The following GABRA2 variants were observed in gnomAD, a reference collection of about 807,000 sequenced individuals.
GABRA2 encodes gamma-aminobutyric acid receptor subunit alpha-2.
GABRA2 carries 16 observed loss-of-function variants against 48.7 expected under a neutral mutation model. The ratio of observed to expected loss-of-function variants is 0.33; its 90% confidence interval spans 0.22 to 0.50. The LOEUF is 0.50. Among genes scored for constraint, GABRA2 ranks in the 20% least tolerant of loss-of-function variants. The pLI is 0.98. For missense variants in GABRA2, 275 were observed against 535.6 expected, an observed-to-expected ratio of 0.51 and a Z score of 4.80; for synonymous variants, 185 against 184.5, an observed-to-expected ratio of 1.00 and a Z score of -0.02.
At chr4:46,268,858 C>CA (rs1018860656) in intron 8 of GABRA2, among the ~76,000 whole-genome samples, 3 of 151,466 alleles carry the variant, frequency 2.0e-5, no homozygotes, top group African/African-American at 4.8e-5. Context: ...TATTAGTCCT[C>CA]AAAAAAAGAA....
intron 4 of GABRA2, among the ~76,000 whole-genome samples, chr4:46,330,057 G>T (rs1040214304): frequency 6.6e-6 from 1 of 151,968 alleles, no homozygotes; most frequent in African/African-American, 2.4e-5. Context: ...TCACTCACAC[G>T]CATGTATTCT....
At chr4:46,280,044 GTTTT>G (rs756130098) in intron 8 of GABRA2, among the ~76,000 whole-genome samples, 72 of 148,980 alleles carry the variant, frequency 4.8e-4, no homozygotes, top group African/African-American at 1.0e-3. Flanking sequence ...AGGCTTACAA[GTTTT>G]TTTTTAAAAA....
chr4:46,277,688 C>T (rs537422107), intron 8 of GABRA2, among the ~76,000 whole-genome samples: 11 of 152,208 alleles, frequency 7.2e-5, no homozygotes, highest in Admixed American at 2.0e-4. Flanking sequence ...TCTGCATGAC[C>T]TTATCCATGG....
At chr4:46,265,426 GTATA>G (rs34669556) in intron 8 of GABRA2, among the ~76,000 whole-genome samples, 2 of 122,714 alleles carry the variant, frequency 1.6e-5, no homozygotes, top group African/African-American at 4.0e-5. Flanking sequence ...AATATATTGT[GTATA>G]TATATATAAT....
At position 46,378,479 on chromosome 4, in the gene GABRA2, T is replaced by C. The variant is rs542467957; in HGVS notation, c.187+7595A>G. Among the ~76,000 whole-genome samples the C allele has an allele frequency of 8.4e-3, 1,277 of 151,890 alleles. 16 individuals carry two copies. Among genetic ancestry groups the C allele is most frequent in the African/African-American group, 0.029 (1,186 of 41,394 alleles). ...AAGGCAGCATGCTCGTTAAGAGTCATCACCACTCCCTAATCTCAAGTACCC... is the reference window on the plus strand; with the variant it reads ...AAGGCAGCATGCTCGTTAAGAGTCACCACCACTCCCTAATCTCAAGTACCC... On this transcript the variant is annotated intron_variant, in intron 3 of 9. Coordinates refer to ENST00000381620, the MANE Select transcript of GABRA2 (RefSeq NM_000807.4).
intron 8 of GABRA2, among the ~76,000 whole-genome samples, chr4:46,292,032 G>A (rs940522334): frequency 1.3e-5 from 2 of 151,990 alleles, no homozygotes; most frequent in African/African-American, 4.8e-5. Flanking sequence ...GGCATGAACT[G>A]TTTAGAGAGT....
At chr4:46,374,382 T>A (rs1348997711) in intron 3 of GABRA2, among the ~76,000 whole-genome samples, 3 of 152,170 alleles carry the variant, frequency 2.0e-5, no homozygotes, top group East Asian at 1.9e-4. Context: ...TCTAAAAGCA[T>A]CTGATCCCTT....
At chr4:46,259,957 G>T (rs954485563) in intron 9 of GABRA2, among the ~76,000 whole-genome samples, 4 of 151,724 alleles carry the variant, frequency 2.6e-5, no homozygotes, top group African/African-American at 9.7e-5. Context: ...CTGAAGGTAG[G>T]TTTATGAAAC....
chr4:46,326,498 CTTTT>C (rs397938834), intron 4 of GABRA2, among the ~76,000 whole-genome samples: 4 of 137,016 alleles, frequency 2.9e-5, no homozygotes, highest in Admixed American at 7.4e-5. Context: ...TGGTCTCTGC[CTTTT>C]TTTTTTTTTT....
intron 3 of GABRA2, among the ~76,000 whole-genome samples, chr4:46,345,022 C>A (rs576198945): frequency 6.6e-6 from 1 of 151,906 alleles, no homozygotes; most frequent in African/African-American, 2.4e-5. Flanking sequence ...AGGGTGGGAC[C>A]TAGTGGGAGG....
chr4:46,345,541 A>T (rs1370634771), intron 3 of GABRA2, among the ~76,000 whole-genome samples: 1 of 151,864 alleles, frequency 6.6e-6, no homozygotes, highest in Non-Finnish European at 1.5e-5. Context: ...TTCTCTCCCC[A>T]TAAGTAGAGA....
chr4:46,309,435 C>G (rs1235405862), intron 6 of GABRA2, among the ~76,000 whole-genome samples: 1 of 152,016 alleles, frequency 6.6e-6, no homozygotes, highest in Non-Finnish European at 1.5e-5. Context: ...AAAGGTCAGG[C>G]AATAGGACAC....
At chr4:46,315,134 C>T (rs1359156102) in intron 4 of GABRA2, among the ~76,000 whole-genome samples, 4 of 130,858 alleles carry the variant, frequency 3.1e-5, no homozygotes, top group Non-Finnish European at 5.0e-5. Flanking sequence ...CTTTAGTCTG[C>T]ATCTGTTTTT....
At chr4:46,251,193 C>T (rs1427299160) in intron 9 of GABRA2, among the ~76,000 whole-genome samples, 1 of 151,446 alleles carries the variant, frequency 6.6e-6, no homozygotes, top group Non-Finnish European at 1.5e-5. Context: ...TTTATAATCT[C>T]TAGTTCCATT....
intron 8 of GABRA2, among the ~76,000 whole-genome samples, chr4:46,272,424 C>A (rs963319200): frequency 1.3e-5 from 2 of 151,968 alleles, no homozygotes; most frequent in Non-Finnish European, 2.9e-5. Context: ...GAAACCTATA[C>A]TTTCTTTTAT....
In GABRA2 at chr4:46,388,637, TGGCAGG is replaced by T. The variant is rs1717802042; in HGVS notation, c.64_69del (p.Pro22_Ala23del). On this transcript the variant is annotated inframe_deletion and splice_region_variant, in exon 2 of 10. Coordinates refer to ENST00000381620, the MANE Select transcript of GABRA2 (RefSeq NM_000807.4). Reference sequence around the variant, plus strand: ...AGTCAAATACAATAAATATCTCACCTGGCAGGGTCCCACACCAAGAAAACAAAAAGC... The same window carrying T: ...AGTCAAATACAATAAATATCTCACCTGTCCCACACCAAGAAAACAAAAAGC... 6.2e-7 allele frequency: 1 copy of T among 1,614,008 alleles called. No homozygotes were observed. The highest frequency in any genetic ancestry group is 1.7e-5 in the Admixed American group (1 of 60,000).
intron 9 of GABRA2, among the ~76,000 whole-genome samples, chr4:46,260,219 T>A (rs1716673949): frequency 6.6e-6 from 1 of 151,888 alleles, no homozygotes; most frequent in African/African-American, 2.4e-5. Flanking sequence ...CAATGTCTGA[T>A]ATATTGTTTT....
At chr4:46,320,727 A>G (rs1729307433) in intron 4 of GABRA2, among the ~76,000 whole-genome samples, 2 of 151,940 alleles carry the variant, frequency 1.3e-5, no homozygotes, top group Admixed American at 1.3e-4. Flanking sequence ...GATGGTTATT[A>G]TCAAAAAGAC....
intron 4 of GABRA2, among the ~76,000 whole-genome samples, chr4:46,316,193 C>T (rs760098102): frequency 9.9e-5 from 15 of 151,976 alleles, no homozygotes; most frequent in Non-Finnish European, 1.9e-4. Flanking sequence ...AATTTGTCAC[C>T]GTCACAAGCA....
Sources: allele counts gnomAD v4.1 joint callset (sites outside exome capture counted in the v4.1 genomes callset), GRCh38; gene constraint gnomAD v4.1.1; transcripts MANE v1.5; gene names NCBI Gene and HGNC (gene_info 2026-07-23, HGNC 2026-07-21).